Variants in HACL1 observed in about 807,000 individuals in gnomAD.
HACL1 encodes 2-hydroxyacyl-CoA lyase 1.
HACL1 carries 64 observed loss-of-function variants against 74.2 expected under a neutral mutation model. The observed-to-expected ratio is 0.86, with a 90% CI of 0.70 to 1.06. HACL1 has a LOEUF of 1.06. Among genes scored for constraint, HACL1 ranks in the 50% least tolerant of loss-of-function variants. The probability of loss-of-function intolerance (pLI) is 0.00; values close to 1 mark genes in which losing one functional copy is unlikely to be tolerated. For missense variants in HACL1, 728 were observed against 719.7 expected (o/e 1.01, Z -0.13); for synonymous variants, 230 against 238.8 (o/e 0.96, Z 0.34).
intron 3 of HACL1, among the ~76,000 whole-genome samples, chr3:15,594,392 A>G (rs1419247880): frequency 1.3e-5 from 2 of 152,178 alleles, no homozygotes; most frequent in Admixed American, 1.3e-4. Flanking sequence ...GAGACGACAG[A>G]GTGAGACTCC....
In HACL1 at chr3:15,574,368, CA is replaced by C. The variant is rs1385189268; in HGVS notation, c.909+608del. Among the ~76,000 whole-genome samples, 3 of 152,174 alleles carry C rather than the reference CA, an allele frequency of 2.0e-5. No individual in the cohort carries two copies. In the East Asian group the frequency reaches 5.8e-4, roughly 29 times the overall value. On this transcript the variant is annotated intron_variant, in intron 10 of 16. Transcript: ENST00000321169. The stretch of plus-strand genomic sequence containing the variant: ...GGGTGACAGAGCCAAGATGCTGTCT[CA>C]AAAACAACCAAGCAAAAACATCAAG...
At chr3:15,563,781 C>T (rs975403433) in intron 15 of HACL1, among the ~76,000 whole-genome samples, 1 of 152,120 alleles carries the variant, frequency 6.6e-6, no homozygotes, top group African/African-American at 2.4e-5. Context: ...CTGTGCCATC[C>T]AAGACAGTAG....
At chr3:15,562,049 G>T (rs1225546185) in intron 16 of HACL1, among the ~76,000 whole-genome samples, 7 of 152,156 alleles carry the variant, frequency 4.6e-5, no homozygotes, top group African/African-American at 1.7e-4. Context: ...CCGGAGGAGG[G>T]TGTTTTTGGT....
At chr3:15,576,211 T>C (rs1170367884) in intron 9 of HACL1, among the ~76,000 whole-genome samples, 3 of 150,496 alleles carry the variant, frequency 2.0e-5, no homozygotes, top group Non-Finnish European at 3.0e-5. Flanking sequence ...TAAATACAAC[T>C]TTTAAAGGCT....
intron 2 of HACL1, 59 bp downstream of exon 2, chr3:15,601,031 C>T: frequency 9.8e-7 from 1 of 1,017,556 alleles, no homozygotes; most frequent in African/African-American, 1.6e-5. Context: ...GCAATGCATA[C>T]CTACCGCTAT....
chr3:15,567,128 G>C (rs1451293566), intron 14 of HACL1, among the ~76,000 whole-genome samples: 3 of 150,432 alleles, frequency 2.0e-5, no homozygotes, highest in Admixed American at 2.0e-4. Context: ...CCTTGGTTAA[G>C]TGACTTAAAG....
intron 5 of HACL1, among the ~76,000 whole-genome samples, chr3:15,587,214 C>T (rs2063811214): frequency 7.0e-6 from 1 of 142,586 alleles, no homozygotes; most frequent in South Asian, 2.4e-4. Context: ...ATTAAGATCA[C>T]CCTCCGATTT....
chr3:15,564,645 T>C lies in HACL1; in HGVS notation c.1423A>G (p.Ile475Val), dbSNP rs778697078. The change falls in exon 15 of 17, where the codon ATC (isoleucine) becomes GTC (valine). Residue 475 changes from isoleucine to valine, a missense_variant. Coordinates refer to ENST00000321169, the MANE Select transcript of HACL1 (RefSeq NM_012260.4). ...TTGTTATTCACTACCAACAGTATGA[T>C]TGGCAAGTTGTACCTAAAGTGAGAG... ...VETICRYNLP[I>V]ILLVVNNNGI... is the part of the protein sequence containing the mutation. The C allele has an allele frequency of 1.4e-6, 2 of 1,462,206 alleles. No individual in the cohort carries two copies. The highest frequency in any genetic ancestry group is 1.2e-5 in the South Asian group (1 of 85,352). 90.6% of individuals were successfully genotyped at this position (1,462,206 alleles called of 1,614,324 possible). A position where few individuals can be genotyped will look rare whatever the true frequency, so the allele number is the denominator to read the frequency against.
intron 6 of HACL1, among the ~76,000 whole-genome samples, 155 bp from the exon 7 acceptor site, chr3:15,585,497 C>T (rs2063779333): frequency 6.6e-6 from 1 of 152,178 alleles, no homozygotes; most frequent in Non-Finnish European, 1.5e-5. Context: ...GAAATGTCCT[C>T]TATTGACTAC....
intron 12 of HACL1, among the ~76,000 whole-genome samples, chr3:15,570,294 C>T (rs1224184155): frequency 6.6e-6 from 1 of 151,098 alleles, no homozygotes; most frequent in Non-Finnish European, 1.5e-5. Flanking sequence ...AAGATCACGC[C>T]ATTGCACTCC....
intron 9 of HACL1, among the ~76,000 whole-genome samples, chr3:15,578,831 G>A (rs1043827740): frequency 3.9e-5 from 6 of 152,240 alleles, no homozygotes; most frequent in African/African-American, 1.4e-4. Context: ...TGTTCAGAGG[G>A]CAGCTTTAGT....
chr3:15,586,608 T>C lies in HACL1; in HGVS notation c.382-6A>G, dbSNP rs374867050. ...TATAATCTACAAGCTTCAACCTACA[T>C]GGAAAATGAAAATCACTTAAAATTC... On this transcript the variant is annotated splice_polypyrimidine_tract_variant and splice_region_variant and intron_variant, in intron 5 of 16. Coordinates refer to ENST00000321169, the MANE Select transcript of HACL1 (RefSeq NM_012260.4). 104 of 1,546,670 alleles carry C rather than the reference T, an allele frequency of 6.7e-5. No individual in the cohort carries two copies. The East Asian group carries it at 9.5e-4, about 14-fold the overall frequency.
At chr3:15,582,804 A>T in intron 8 of HACL1, 73 bp downstream of exon 8, 1 of 730,558 alleles carries the variant, frequency 1.4e-6, no homozygotes, top group South Asian at 1.6e-5. Context: ...AGACATTAAT[A>T]AACAATGAAA....
At chr3:15,588,345 G>A (rs1044550283) in intron 5 of HACL1, among the ~76,000 whole-genome samples, 1 of 152,154 alleles carries the variant, frequency 6.6e-6, no homozygotes, top group African/African-American at 2.4e-5. Context: ...TGTAATCCCA[G>A]TACTTTGGGA....
intron 14 of HACL1, among the ~76,000 whole-genome samples, chr3:15,565,808 T>A (rs913014921): frequency 6.6e-6 from 1 of 152,192 alleles, no homozygotes; most frequent in Non-Finnish European, 1.5e-5. Context: ...GAGTTCTGCA[T>A]CCGTGGATTT....
chr3:15,600,986 G>A (rs2064211772), intron 2 of HACL1, 104 bp downstream of exon 2: 6 of 723,870 alleles, frequency 8.3e-6, no homozygotes, highest in Non-Finnish European at 1.5e-5. Context: ...TATATGTAAA[G>A]TAGCAGAAGA....
chr3:15,596,448 T>G (rs1243601743), intron 2 of HACL1, 24 bp from the exon 3 acceptor site: 2 of 1,486,666 alleles, frequency 1.3e-6, no homozygotes, highest in Non-Finnish European at 1.9e-6. Flanking sequence ...ACACTGGGAC[T>G]TGAGCATATT....
chr3:15,575,893 C>T (rs1378029703), intron 9 of HACL1, among the ~76,000 whole-genome samples: 1 of 152,002 alleles, frequency 6.6e-6, no homozygotes, highest in Admixed American at 6.6e-5. Flanking sequence ...TGCGGTGGCT[C>T]ATGCCTGTAA....
intron 8 of HACL1, among the ~76,000 whole-genome samples, chr3:15,581,971 G>C (rs2063722085): frequency 6.6e-6 from 1 of 152,186 alleles, no homozygotes; most frequent in Admixed American, 6.5e-5. Context: ...TTTTACAAGT[G>C]AAGCAATCTG....
Sources: allele counts gnomAD v4.1 joint callset (sites outside exome capture counted in the v4.1 genomes callset), GRCh38; gene constraint gnomAD v4.1.1; transcripts MANE v1.5; gene names NCBI Gene and HGNC (gene_info 2026-07-23, HGNC 2026-07-21).